Variants in TMEM232 observed in about 807,000 individuals in gnomAD.
TMEM232 encodes the protein transmembrane protein 232.
TMEM232 carries 80 observed loss-of-function variants against 78.8 expected under a neutral mutation model. The ratio of observed to expected loss-of-function variants is 1.01; its 90% CI spans 0.85 to 1.22. TMEM232 has a LOEUF of 1.22. TMEM232 is among the 50% of genes most tolerant of loss of function. The pLI is 0.00. For synonymous variants in TMEM232, 297 were observed against 254.3 expected (o/e 1.17, Z -1.60); for missense variants, 881 against 742.2 (o/e 1.19, Z -2.17).
chr5:110,578,273 A>G (rs1193717271), intron 10 of TMEM232, among the ~76,000 whole-genome samples: 1 of 151,994 alleles, frequency 6.6e-6, no homozygotes, highest in East Asian at 1.9e-4. Context: ...TTATAAGTAG[A>G]TAATTCTCAC....
chr5:110,584,489 G>C (rs146007205), intron 10 of TMEM232, among the ~76,000 whole-genome samples: 3 of 152,036 alleles, frequency 2.0e-5, no homozygotes, highest in Non-Finnish European at 4.4e-5. Context: ...AGTTACCAGA[G>C]GTTGGTGGAG....
chr5:110,448,308 A>T lies in TMEM232; in HGVS notation c.1704-23392T>A, dbSNP rs559562524. 4.6e-5 allele frequency among the ~76,000 whole-genome samples: 7 copies of T among 152,146 alleles called. No individual in the cohort carries two copies. In the East Asian group the frequency reaches 1.4e-3, roughly 29 times the overall value. On this transcript the variant is annotated intron_variant, in intron 12 of 13. Transcript: ENST00000455884. Reference sequence around the variant, plus strand: ...ACTTAAACTAAGAGATTAAGAATGGAGGTAACTCAAAGTTTAATACTACTT... The same window carrying T: ...ACTTAAACTAAGAGATTAAGAATGGTGGTAACTCAAAGTTTAATACTACTT...
At chr5:110,528,883 G>T in intron 11 of TMEM232, 48 bp from the exon 12 acceptor site, 1 of 1,257,342 alleles carries the variant, frequency 8.0e-7, no homozygotes, top group South Asian at 3.3e-5. Context: ...GATTAAATGG[G>T]AGAAAAAAAA....
chr5:110,573,084 A>C (rs868408654), intron 10 of TMEM232, among the ~76,000 whole-genome samples: 3 of 152,066 alleles, frequency 2.0e-5, no homozygotes, highest in African/African-American at 7.2e-5. Context: ...AAGCCAAACC[A>C]AAACAAGTTC....
In TMEM232 at chr5:110,642,332, G is replaced by T. The variant is rs934887189; in HGVS notation, c.165C>A (p.Phe55Leu). 13 of 1,536,278 alleles carry T rather than the reference G, an allele frequency of 8.5e-6. No individual in the cohort carries two copies. In the African/African-American group the frequency reaches 1.5e-4, roughly 18 times the overall value. ...FSITKEFILR[F>L]NQTQNSKEKE... ...TCTCTTTGGAATTTTGTGTTTGATTGAATCTCAAGATGAATTCTTTTGTGA... is the reference window on the plus strand; with the variant it reads ...TCTCTTTGGAATTTTGTGTTTGATTTAATCTCAAGATGAATTCTTTTGTGA... The change falls in exon 3 of 14, where the codon TTC becomes TTA. Residue 55 changes from phenylalanine to leucine, a missense_variant. Physicochemically the swap from Phe to Leu is conservative, Grantham distance 22. Transcript: ENST00000455884.
intron 8 of TMEM232, among the ~76,000 whole-genome samples, chr5:110,610,960 A>G (rs1782199623): frequency 6.6e-6 from 1 of 152,182 alleles, no homozygotes; most frequent in African/African-American, 2.4e-5. Flanking sequence ...TAAGAAAGAA[A>G]TTAATAGTAT....
chr5:110,715,239 G>A (rs1215416377), intron 1 of TMEM232, among the ~76,000 whole-genome samples: 1 of 151,888 alleles, frequency 6.6e-6, no homozygotes, highest in African/African-American at 2.4e-5. Flanking sequence ...ATTCATGAAG[G>A]AGCGAAGGAA....
Position 110,701,083 on chromosome 5 carries a change from A to G in TMEM232, c.-13+25544T>C, listed in dbSNP as rs181517843. 2.6e-5 allele frequency among the ~76,000 whole-genome samples: 4 copies of G among 152,052 alleles called. No homozygotes were observed. The East Asian group carries it at 7.7e-4, about 29-fold the overall frequency. Reference sequence around the variant, plus strand: ...AGGAAGAGATTTTCTGGAACTTTATAATGATCATATTTTCTTCTCAAAAAG... The same window carrying G: ...AGGAAGAGATTTTCTGGAACTTTATGATGATCATATTTTCTTCTCAAAAAG... On this transcript the variant is annotated intron_variant, in intron 1 of 13. Coordinates refer to ENST00000455884, the MANE Select transcript of TMEM232 (RefSeq NM_001039763.4).
At chr5:110,608,088 T>A (rs549432943) in intron 8 of TMEM232, among the ~76,000 whole-genome samples, 3 of 152,068 alleles carry the variant, frequency 2.0e-5, no homozygotes, top group Admixed American at 2.0e-4. Flanking sequence ...CTTATGAACA[T>A]GAACTTTAGA....
At chr5:110,580,948 T>G (rs531677726) in intron 10 of TMEM232, among the ~76,000 whole-genome samples, 16 of 151,584 alleles carry the variant, frequency 1.1e-4, no homozygotes, top group African/African-American at 3.9e-4. Context: ...TAGGAATAGA[T>G]CTAACCAAGG....
intron 12 of TMEM232, among the ~76,000 whole-genome samples, chr5:110,512,351 C>A (rs1009256963): frequency 6.6e-6 from 1 of 152,062 alleles, no homozygotes; most frequent in Non-Finnish European, 1.5e-5. Context: ...GGTGGACAAC[C>A]AACATGCTAG....
chr5:110,580,258 A>G (rs994935360), intron 10 of TMEM232, among the ~76,000 whole-genome samples: 4 of 151,764 alleles, frequency 2.6e-5, no homozygotes, highest in African/African-American at 9.7e-5. Flanking sequence ...AAAAAATTAT[A>G]TTAGCTGGTG....
chr5:110,650,451 C>T (rs1474534982), intron 2 of TMEM232, among the ~76,000 whole-genome samples: 1 of 152,094 alleles, frequency 6.6e-6, no homozygotes, highest in Non-Finnish European at 1.5e-5. Context: ...AAACAAGGAA[C>T]ACTGCTCCAG....
At chr5:110,440,944 T>C (rs774427228) in intron 12 of TMEM232, among the ~76,000 whole-genome samples, 1 of 152,178 alleles carries the variant, frequency 6.6e-6, no homozygotes. Flanking sequence ...CTCCATCTGA[T>C]GACCTAGGAA....
At chr5:110,544,441 C>CAA (rs575755362) in intron 11 of TMEM232, among the ~76,000 whole-genome samples, 3,142 of 75,618 alleles carry the variant, frequency 0.042, 133 homozygotes, top group African/African-American at 0.093. Context: ...ACACACATAT[C>CAA]AAAAAAAAAA....
At chr5:110,523,255 T>C (rs1411218921) in intron 12 of TMEM232, among the ~76,000 whole-genome samples, 1 of 152,136 alleles carries the variant, frequency 6.6e-6, no homozygotes, top group Non-Finnish European at 1.5e-5. Flanking sequence ...TAGCGTCTCT[T>C]CTTTCATTTC....
At chr5:110,486,409 A>T (rs920552600) in intron 12 of TMEM232, among the ~76,000 whole-genome samples, 1 of 152,048 alleles carries the variant, frequency 6.6e-6, no homozygotes, top group Non-Finnish European at 1.5e-5. Flanking sequence ...AATGTCTAGA[A>T]GGGTTTTTCC....
chr5:110,507,061 C>G (rs1766992091), intron 12 of TMEM232, among the ~76,000 whole-genome samples: 1 of 152,094 alleles, frequency 6.6e-6, no homozygotes. Flanking sequence ...AGTACTACTA[C>G]TCACTGGGTC....
At chr5:110,690,073 T>A (rs1428722567) in intron 1 of TMEM232, among the ~76,000 whole-genome samples, 1 of 152,146 alleles carries the variant, frequency 6.6e-6, no homozygotes, top group Non-Finnish European at 1.5e-5. Context: ...GACATAGGCA[T>A]GGGCAAAGGC....
Sources: gnomAD v4.1 joint callset for allele counts (sites outside exome capture counted in the v4.1 genomes callset) on GRCh38, gnomAD v4.1.1 for gene constraint, MANE v1.5 for transcripts, NCBI Gene and HGNC (gene_info 2026-07-23, HGNC 2026-07-21) for gene names.